NRXN1: variants seen among roughly 807,000 people sequenced by gnomAD.
NRXN1 encodes neurexin 1, also known as neurexin-1.
A neutral mutation model predicts 150.9 loss-of-function variants in NRXN1; 39 were observed. The observed-to-expected ratio is 0.26, with a 90% CI of 0.20 to 0.34. The LOEUF (loss-of-function observed/expected upper bound fraction) is 0.34. Among genes scored for constraint, NRXN1 ranks in the 10% least tolerant of loss-of-function variants. The pLI, the probability that NRXN1 is intolerant of heterozygous loss-of-function variation, is 1.00. For synonymous variants in NRXN1, 924 were observed against 757.0 expected (o/e 1.22, Z -3.62); for missense variants, 1,815 against 1,949.9 (o/e 0.93, Z 1.30).
chr2:50,625,417 G>C (rs1318011557), intron 5 of NRXN1, among the ~76,000 whole-genome samples: 1 of 152,074 alleles, frequency 6.6e-6, no homozygotes, highest in Non-Finnish European at 1.5e-5. Flanking sequence ...TTCTGAGTAA[G>C]TCATAGGAAA....
At chr2:50,329,676 T>TA (rs527683721) in intron 17 of NRXN1, among the ~76,000 whole-genome samples, 1 of 34,798 alleles carries the variant, frequency 2.9e-5, no homozygotes, top group African/African-American at 1.0e-4. Context: ...TATATATATT[T>TA]TTTTTTTTCC....
chr2:50,162,397 G>A, intron 18 of NRXN1, among the ~76,000 whole-genome samples: 1 of 151,914 alleles, frequency 6.6e-6, no homozygotes. Flanking sequence ...ACATTGTCAG[G>A]GTAAAATTTT....
At chr2:50,243,142 A>G (rs1381745988) in intron 17 of NRXN1, among the ~76,000 whole-genome samples, 1 of 151,702 alleles carries the variant, frequency 6.6e-6, no homozygotes, top group Non-Finnish European at 1.5e-5. Flanking sequence ...TATATTGTAA[A>G]TTTCAAAATA....
intron 5 of NRXN1, among the ~76,000 whole-genome samples, chr2:50,704,469 G>A (rs1224052899): frequency 3.3e-5 from 5 of 150,538 alleles, no homozygotes; most frequent in African/African-American, 7.5e-5. Flanking sequence ...ATATTTAAAA[G>A]AGAGTTACTT....
At chr2:50,461,132 T>G (rs1437122151) in intron 17 of NRXN1, among the ~76,000 whole-genome samples, 1 of 152,056 alleles carries the variant, frequency 6.6e-6, no homozygotes, top group Non-Finnish European at 1.5e-5. Flanking sequence ...CTGAAGATAT[T>G]TTTAAATGTC....
intron 17 of NRXN1, among the ~76,000 whole-genome samples, chr2:50,444,764 CAG>C (rs1254586684): frequency 6.6e-6 from 1 of 152,014 alleles, no homozygotes; most frequent in Non-Finnish European, 1.5e-5. Flanking sequence ...AGATCAATAA[CAG>C]TGGTATCCTG....
At chr2:50,554,127 T>C (rs1667895721) in intron 8 of NRXN1, among the ~76,000 whole-genome samples, 1 of 152,250 alleles carries the variant, frequency 6.6e-6, no homozygotes, top group Admixed American at 6.5e-5. Flanking sequence ...AGACTCTAGA[T>C]TTATTTATCC....
chr2:50,549,718 T>C (rs1484394135), intron 9 of NRXN1, among the ~76,000 whole-genome samples: 3 of 152,182 alleles, frequency 2.0e-5, no homozygotes, highest in Non-Finnish European at 4.4e-5. Flanking sequence ...TTTGGATGAA[T>C]TAAAGAGCTT....
At chr2:50,776,111 C>G (rs575586809) in intron 5 of NRXN1, among the ~76,000 whole-genome samples, 2 of 152,162 alleles carry the variant, frequency 1.3e-5, no homozygotes, top group South Asian at 4.1e-4. Flanking sequence ...CAACATATAT[C>G]CCTTCACATT....
chr2:50,068,879 T>A (rs1035221483), intron 19 of NRXN1, among the ~76,000 whole-genome samples: 2 of 152,188 alleles, frequency 1.3e-5, no homozygotes, highest in Non-Finnish European at 2.9e-5. Flanking sequence ...TGAGCCTTAT[T>A]ATGAGTGATA....
intron 5 of NRXN1, among the ~76,000 whole-genome samples, chr2:50,709,705 G>A (rs1020686354): frequency 6.6e-6 from 1 of 152,124 alleles, no homozygotes; most frequent in African/African-American, 2.4e-5. Context: ...AACTGATCCT[G>A]GCAGACTTTT....
intron 5 of NRXN1, among the ~76,000 whole-genome samples, chr2:50,767,704 A>G (rs1470199442): frequency 6.6e-6 from 1 of 152,126 alleles, no homozygotes; most frequent in African/African-American, 2.4e-5. Context: ...TTTGCTGAAT[A>G]CATTCATATT....
chr2:50,052,119 T>C lies in NRXN1; in HGVS notation c.4128+1152A>G, dbSNP rs34305045. ...TCTGGGAAACATGTTAATTCATATT[T>C]GGGGTGCTGATACAAACAGAATTTG... is the stretch of plus-strand genomic sequence containing the variant. On this transcript the variant is annotated intron_variant, in intron 21 of 22. Coordinates refer to ENST00000401669, the MANE Select transcript of NRXN1 (RefSeq NM_001330078.2). 3.3e-3 allele frequency among the ~76,000 whole-genome samples: 505 copies of C among 152,190 alleles called. 1 individual carries two copies. The highest frequency in any genetic ancestry group is 6.8e-3 in the Middle Eastern group (2 of 294).
rs903061014 is a variant in NRXN1 at position 50,287,865 on chromosome 2, A to T, written c.3365-50895T>A. Among the ~76,000 whole-genome samples, 49 of 152,136 alleles carry T rather than the reference A, an allele frequency of 3.2e-4. 1 individual carries two copies. The highest frequency in any genetic ancestry group is 1.1e-3 in the African/African-American group (44 of 41,440). On this transcript the variant is annotated intron_variant, in intron 17 of 22. Transcript: ENST00000401669. ...AGTATGTATTAAATTTTTATCTTTA[A>T]TAACCTAGGAAGTTTGCTAGCCTAT...
At chr2:50,120,159 A>G (rs116776757) in intron 18 of NRXN1, among the ~76,000 whole-genome samples, 1,814 of 152,280 alleles carry the variant, frequency 0.012, 39 homozygotes, top group African/African-American at 0.041. Flanking sequence ...ATATAAGTGC[A>G]ATCTCATTTC....
intron 17 of NRXN1, among the ~76,000 whole-genome samples, chr2:50,378,844 T>C (rs1013714923): frequency 1.3e-5 from 2 of 152,174 alleles, no homozygotes; most frequent in Non-Finnish European, 2.9e-5. Context: ...TTAGCTAGAC[T>C]AAGTTATGTT....
intron 17 of NRXN1, among the ~76,000 whole-genome samples, chr2:50,356,432 A>G (rs1320200623): frequency 6.6e-6 from 1 of 152,232 alleles, no homozygotes; most frequent in African/African-American, 2.4e-5. Context: ...TATAAGAAAT[A>G]TATGACCTCT....
intron 22 of NRXN1, among the ~76,000 whole-genome samples, chr2:49,926,819 C>T (rs1482223475): frequency 6.6e-6 from 1 of 152,052 alleles, no homozygotes; most frequent in East Asian, 1.9e-4. Flanking sequence ...AATTTAGATC[C>T]AATTAAGAAA....
At chr2:50,682,835 A>C (rs1190123699) in intron 5 of NRXN1, among the ~76,000 whole-genome samples, 1 of 152,174 alleles carries the variant, frequency 6.6e-6, no homozygotes, top group Admixed American at 6.6e-5. Context: ...TTATATATAC[A>C]TTCTTTAGTG....
Sources: allele counts gnomAD v4.1 joint callset (sites outside exome capture counted in the v4.1 genomes callset), GRCh38; gene constraint gnomAD v4.1.1; transcripts MANE v1.5; gene names NCBI Gene and HGNC (gene_info 2026-07-23, HGNC 2026-07-21).